Variants in SIGLEC9 observed in about 807,000 individuals in gnomAD.
SIGLEC9 encodes the protein sialic acid binding Ig like lectin 9, also known as sialic acid-binding Ig-like lectin 9.
Under a neutral mutation model 38.3 loss-of-function variants are expected in SIGLEC9, and 26 were observed. The observed-to-expected ratio is 0.68, with a 90% CI of 0.50 to 0.94. The LOEUF (loss-of-function observed/expected upper bound fraction) is 0.94, where lower values mean the gene tolerates loss of function less well. SIGLEC9 is among the 40% of genes least tolerant of loss of function. SIGLEC9 has a pLI of 0.00. For missense variants in SIGLEC9, 556 were observed against 585.7 expected (o/e 0.95, Z 0.52); for synonymous variants, 236 against 248.0 (o/e 0.95, Z 0.45).
downstream of SIGLEC9, among the ~76,000 whole-genome samples, chr19:51,132,023 G>A (rs2092018536): frequency 6.6e-6 from 1 of 152,218 alleles, no homozygotes; most frequent in African/African-American, 2.4e-5. Context: ...GGGCCAAATG[G>A]GAGGTGTTCA....
At chr19:51,123,484 T>C (rs941467404), upstream of SIGLEC9, among the ~76,000 whole-genome samples, 11 of 152,216 alleles carry the variant, frequency 7.2e-5, no homozygotes, top group African/African-American at 1.4e-4. Context: ...CTTCTGACCA[T>C]TGCAGTTGAG....
chr19:51,133,386 A>G (rs1326893320), downstream of SIGLEC9, among the ~76,000 whole-genome samples: 1 of 150,868 alleles, frequency 6.6e-6, no homozygotes. Flanking sequence ...CAGCCTGGAT[A>G]ACATGGTGAA....
intron 3 of SIGLEC9, 135 bp from the exon 4 acceptor site, chr19:51,126,895 T>C: frequency 1.4e-6 from 1 of 704,764 alleles, no homozygotes. Flanking sequence ...TTCCCAGCAG[T>C]GAGTGGTGAA....
chr19:51,122,034 C>A (rs768649719), upstream of SIGLEC9, among the ~76,000 whole-genome samples: 55 of 152,072 alleles, frequency 3.6e-4, no homozygotes, highest in Non-Finnish European at 3.1e-4. This position sits in a 1 kb window ranked among gnomAD's most constrained non-coding sequence, Gnocchi z 4.1. Context: ...CCCTGTGACT[C>A]CTCGGCACCC....
downstream of SIGLEC9, among the ~76,000 whole-genome samples, chr19:51,134,676 C>A (rs1428958478): frequency 6.6e-6 from 1 of 152,100 alleles, no homozygotes. Flanking sequence ...TTTCAAAGAA[C>A]CAACTTTGGG....
intron 3 of SIGLEC9, 21 bp from the exon 4 acceptor site, chr19:51,127,009 C>A (rs1568611871): frequency 1.9e-6 from 3 of 1,610,142 alleles, no homozygotes; most frequent in Admixed American, 1.7e-5. Context: ...TCTCTCTGAC[C>A]CTCTGTCTCT....
In SIGLEC9 at chr19:51,130,020, G is replaced by A; in HGVS notation, c.1333G>A (p.Asp445Asn). The change falls in exon 7 of 7, where the codon GAC (aspartate) becomes AAC (asparagine). Residue 445 changes from aspartate to asparagine, a missense_variant. Physicochemically the swap from Asp to Asn is conservative, Grantham distance 23 (BLOSUM62 1). Coordinates refer to ENST00000250360, the MANE Select transcript of SIGLEC9 (RefSeq NM_014441.3). ...CAGCTTCCAGATGGTGAAGCCTTGG[G>A]ACTCGCGGGGACAGGAGGCCACTGA... Reference protein sequence around the residue: ...SLSFQMVKPWDSRGQEATDTE... With the variant: ...SLSFQMVKPWNSRGQEATDTE... 1 of 1,613,972 alleles carries A rather than the reference G, an allele frequency of 6.2e-7. No homozygotes were observed. Among genetic ancestry groups the A allele is most frequent in the Non-Finnish European group, 8.5e-7 (1 of 1,179,964 alleles).
chr19:51,134,230 C>T (rs373279902), downstream of SIGLEC9, among the ~76,000 whole-genome samples: 25 of 146,950 alleles, frequency 1.7e-4, 4 homozygotes, highest in South Asian at 6.5e-4. Flanking sequence ...CTGCAACCTC[C>T]GCCTCCAGGG....
At position 51,125,198 on chromosome 19, in the gene SIGLEC9, C is replaced by T. The variant is rs1468951100; in HGVS notation, c.224C>T (p.Ala75Val). Residue 75 changes from alanine to valine, a missense_variant, in exon 1 of 7, where the codon GCC (alanine) becomes GTC (valine). Ala to Val is a moderately conservative substitution (Grantham distance 64). Coordinates refer to ENST00000250360, the MANE Select transcript of SIGLEC9 (RefSeq NM_014441.3). ...GANTDQDAPV[A>V]TNNPARAVWE... ...AATACAGACCAGGATGCTCCAGTGG[C>T]CACAAACAACCCAGCTCGGGCAGTG... The T allele has an allele frequency of 8.7e-6, 14 of 1,613,922 alleles. No homozygotes were observed. Among genetic ancestry groups the T allele is most frequent in the Non-Finnish European group, 1.2e-5 (14 of 1,180,002 alleles).
chr19:51,130,096 AC>A lies in SIGLEC9; in HGVS notation c.*20del. 1 of 1,589,814 alleles carries A rather than the reference AC, an allele frequency of 6.3e-7. No individual in the cohort carries two copies. The highest frequency in any genetic ancestry group is 8.6e-7 in the Non-Finnish European group (1 of 1,166,448). On this transcript the variant is annotated 3_prime_UTR_variant, in exon 7 of 7. Transcript: ENST00000250360. ...CACAGATGAGAAACTGCAGAGACTCACCCTGATTGAGGGATCACAGCCCCTC... is the reference window on the plus strand; with the variant it reads ...CACAGATGAGAAACTGCAGAGACTCACCTGATTGAGGGATCACAGCCCCTC...
downstream of SIGLEC9, among the ~76,000 whole-genome samples, chr19:51,133,970 A>G (rs1389935395): frequency 1.2e-4 from 18 of 152,082 alleles, no homozygotes; most frequent in Non-Finnish European, 1.8e-4. Context: ...GCCAGATGCA[A>G]AAGAATACAT....
At chr19:51,130,560 A>G (rs934378003), downstream of SIGLEC9, among the ~76,000 whole-genome samples, 1 of 152,214 alleles carries the variant, frequency 6.6e-6, no homozygotes, top group African/African-American at 2.4e-5. Flanking sequence ...TTTCCAGGAA[A>G]TAACCTCAGC....
upstream of SIGLEC9, chr19:51,120,471 C>T (rs1460958113): frequency 1.3e-5 from 2 of 152,288 alleles, no homozygotes; most frequent in Non-Finnish European, 1.5e-5. This position sits in a 1 kb window ranked among gnomAD's most constrained non-coding sequence, Gnocchi z 4.1. Context: ...TTTCTCTTTT[C>T]TAGTGCTGAC....
intron 6 of SIGLEC9, chr19:51,135,812 C>T: frequency 3.6e-6 from 2 of 552,426 alleles, no homozygotes; most frequent in East Asian, 5.8e-5. Context: ...TGGGTTGATT[C>T]AGAGAACTGG....
Position 51,126,141 on chromosome 19 carries a change from T to C in SIGLEC9, c.748+13T>C, listed in dbSNP as rs772184396. ...GGAGACGGCACAGGTAGGATGGAGC[T>C]CCCTCCCTGGGGCTGGAGGAGCAGG... On this transcript the variant is annotated intron_variant, in intron 3 of 6. Coordinates refer to ENST00000250360, the MANE Select transcript of SIGLEC9 (RefSeq NM_014441.3). 15 of 1,612,142 alleles carry C rather than the reference T, an allele frequency of 9.3e-6. No individual in the cohort carries two copies. Among genetic ancestry groups the C allele is most frequent in the Admixed American group, 6.7e-5 (4 of 59,986 alleles).
intron 5 of SIGLEC9, among the ~76,000 whole-genome samples, 153 bp downstream of exon 5, chr19:51,128,192 G>A (rs897276573): frequency 1.3e-5 from 2 of 152,128 alleles, no homozygotes; most frequent in South Asian, 2.1e-4. Context: ...ATTCCATGTG[G>A]GCCTGTGTTT....
At position 51,126,140 on chromosome 19, in the gene SIGLEC9, C is replaced by T; in HGVS notation, c.748+12C>T. 1 of 1,612,830 alleles carries T rather than the reference C, an allele frequency of 6.2e-7. No individual in the cohort carries two copies. The highest frequency in any genetic ancestry group is 8.5e-7 in the Non-Finnish European group (1 of 1,178,870). On this transcript the variant is annotated intron_variant, in intron 3 of 6. Coordinates refer to ENST00000250360, the MANE Select transcript of SIGLEC9 (RefSeq NM_014441.3). ...AGGAGACGGCACAGGTAGGATGGAGCTCCCTCCCTGGGGCTGGAGGAGCAG... is the reference window on the plus strand; with the variant it reads ...AGGAGACGGCACAGGTAGGATGGAGTTCCCTCCCTGGGGCTGGAGGAGCAG...
At chr19:51,130,806 C>T (rs978243357), downstream of SIGLEC9, among the ~76,000 whole-genome samples, 1 of 152,230 alleles carries the variant, frequency 6.6e-6, no homozygotes, top group Non-Finnish European at 1.5e-5. Context: ...CTTCAGTCCA[C>T]TCCTCCATCT....
At chr19:51,126,425 A>T (rs150017422) in intron 3 of SIGLEC9, among the ~76,000 whole-genome samples, 1 of 151,808 alleles carries the variant, frequency 6.6e-6, no homozygotes, top group East Asian at 1.9e-4. Context: ...CTCCACCCTT[A>T]TCTGTTTATT....
Sources: allele counts gnomAD v4.1 joint callset (sites outside exome capture counted in the v4.1 genomes callset), GRCh38; gene constraint gnomAD v4.1.1; non-coding constraint Gnocchi (gnomAD v3.1); transcripts MANE v1.5; gene names NCBI Gene and HGNC (gene_info 2026-07-23, HGNC 2026-07-21).